The following ABR variants were observed in gnomAD, a reference collection of about 807,000 sequenced individuals.
The protein encoded by ABR is ABR activator of RhoGEF and GTPase.
A neutral mutation model predicts 107.2 loss-of-function variants in ABR; 35 were observed. That is an observed-to-expected ratio of 0.33 (90% CI 0.25 to 0.43). ABR has a LOEUF of 0.43. ABR is among the 20% of genes least tolerant of loss of function. The pLI, the probability that ABR is intolerant of heterozygous loss-of-function variation, is 1.00. For synonymous variants in ABR, 498 were observed against 462.0 expected (o/e 1.08, Z -1.00); for missense variants, 815 against 1,115.2 (o/e 0.73, Z 3.83).
At chr17:1,222,773 G>A (rs993981234) in intron 1 of ABR, among the ~76,000 whole-genome samples, 6 of 152,068 alleles carry the variant, frequency 3.9e-5, no homozygotes, top group African/African-American at 7.2e-5. Context: ...TAGCCGGCTC[G>A]TGGCATGTGC....
At chr17:1,126,882 A>G (rs531825883) in intron 1 of ABR, among the ~76,000 whole-genome samples, 2 of 152,308 alleles carry the variant, frequency 1.3e-5, no homozygotes, top group Admixed American at 1.3e-4. Flanking sequence ...GAGCGAATGA[A>G]TGAGCAGAGG....
At chr17:1,055,202 C>T (rs1454024440) in intron 14 of ABR, 1 of 151,990 alleles carries the variant, frequency 6.6e-6, no homozygotes, top group Admixed American at 6.6e-5. Context: ...GAGAACCTGT[C>T]TCTAAAAAAA....
At chr17:1,036,673 G>T (rs72814007) in intron 16 of ABR, among the ~76,000 whole-genome samples, 8,321 of 152,116 alleles carry the variant, frequency 0.055, 332 homozygotes, top group South Asian at 0.2. Context: ...TTGGGCGGGA[G>T]GATGGCACGT....
chr17:1,014,515 G>T (rs1398419250), intron 16 of ABR, among the ~76,000 whole-genome samples: 2 of 151,590 alleles, frequency 1.3e-5, no homozygotes, highest in Non-Finnish European at 2.9e-5. Context: ...CAATTTCAGG[G>T]CTTATTATAT....
At chr17:1,079,447 C>A in intron 5 of ABR, 57 bp from the exon 6 acceptor site, 1 of 1,493,380 alleles carries the variant, frequency 6.7e-7, no homozygotes, top group East Asian at 2.3e-5. Context: ...CTCCCAGCCC[C>A]CACTGTGAGC....
intron 6 of ABR, among the ~76,000 whole-genome samples, chr17:1,077,781 G>T (rs541826879): frequency 3.3e-4 from 51 of 152,296 alleles, no homozygotes; most frequent in Non-Finnish European, 6.2e-4. Flanking sequence ...GTGCAGAGCC[G>T]AAACACCTGG....
intron 1 of ABR, among the ~76,000 whole-genome samples, chr17:1,227,572 T>G (rs2043245555): frequency 6.6e-6 from 1 of 152,218 alleles, no homozygotes; most frequent in Non-Finnish European, 1.5e-5. Flanking sequence ...TGGACAGTTT[T>G]TCATTCAAAT....
At chr17:1,053,869 C>T (rs1198158182) in intron 14 of ABR, among the ~76,000 whole-genome samples, 1 of 152,078 alleles carries the variant, frequency 6.6e-6, no homozygotes, top group Non-Finnish European at 1.5e-5. Flanking sequence ...ATGGGTGGGA[C>T]AGTGCTTCAG....
chr17:1,194,089 C>G (rs942596688), intron 1 of ABR, among the ~76,000 whole-genome samples: 1 of 152,136 alleles, frequency 6.6e-6, no homozygotes, highest in Non-Finnish European at 1.5e-5. Context: ...TGAAATCTGA[C>G]AAGCTCCTGG....
intron 5 of ABR, chr17:1,083,123 C>CA (rs71148427): frequency 0.011 from 701 of 64,878 alleles, 10 homozygotes; most frequent in South Asian, 0.025. Context: ...GACTCTGTCT[C>CA]AAAAAAAAAA....
Position 1,078,675 on chromosome 17 carries a change from A to AG in ABR, c.700+654dup. The AG allele has an allele frequency of 1.1e-6, 1 of 883,640 alleles. No homozygotes were observed. 54.7% of individuals were successfully genotyped at this position (883,640 alleles called of 1,614,324 possible). On this transcript the variant is annotated intron_variant, in intron 6 of 22. Transcript: ENST00000302538. The surrounding 1 kb of genome is among the most constrained non-coding windows in gnomAD (Gnocchi z 7.5). ...TCTAGGCTGGATGCCGCCAAAACGA[A>AG]GGGGGAATTCAGGTCCAGCCGCTCG... is the stretch of plus-strand genomic sequence containing the variant.
At chr17:1,161,987 C>T (rs2041317034) in intron 1 of ABR, among the ~76,000 whole-genome samples, 1 of 152,208 alleles carries the variant, frequency 6.6e-6, no homozygotes, top group South Asian at 2.1e-4. Flanking sequence ...ATGCATTTCA[C>T]TGCGGAGGCT....
At chr17:1,207,470 C>T (rs550523896) in intron 1 of ABR, among the ~76,000 whole-genome samples, 1 of 151,532 alleles carries the variant, frequency 6.6e-6, no homozygotes, top group Non-Finnish European at 1.5e-5. Flanking sequence ...GCCAACATGG[C>T]GAAACCCCAT....
chr17:1,110,346 T>C (rs557935930), intron 2 of ABR, among the ~76,000 whole-genome samples: 2 of 152,022 alleles, frequency 1.3e-5, no homozygotes, highest in South Asian at 2.1e-4. Context: ...ACGGCACCCA[T>C]GAGGGTGCGG....
At chr17:1,026,337 G>A (rs1199174163) in intron 16 of ABR, among the ~76,000 whole-genome samples, 1 of 152,240 alleles carries the variant, frequency 6.6e-6, no homozygotes, top group Non-Finnish European at 1.5e-5. Flanking sequence ...GGACCCCGGA[G>A]GCCTCCCCGA....
intron 16 of ABR, among the ~76,000 whole-genome samples, chr17:1,018,720 A>G (rs1216842506): frequency 6.6e-6 from 1 of 152,088 alleles, no homozygotes; most frequent in East Asian, 1.9e-4. Flanking sequence ...GGAGGCATCC[A>G]CACCTGACTC....
chr17:1,170,228 C>T (rs1051657571), intron 1 of ABR, among the ~76,000 whole-genome samples: 7 of 152,044 alleles, frequency 4.6e-5, no homozygotes, highest in African/African-American at 9.7e-5. Context: ...GGGGGCAAGA[C>T]GCAGTCTTCA....
chr17:1,139,446 G>A (rs2040207048), intron 1 of ABR, among the ~76,000 whole-genome samples: 1 of 152,012 alleles, frequency 6.6e-6, no homozygotes, highest in African/African-American at 2.4e-5. Context: ...TAGAGACAGG[G>A]TTTCACCGTG....
At chr17:1,114,772 CA>C (rs35379371) in intron 2 of ABR, among the ~76,000 whole-genome samples, 1,696 of 141,324 alleles carry the variant, frequency 0.012, 41 homozygotes, top group East Asian at 0.11. Flanking sequence ...GACTCCGTCT[CA>C]AAAAAAAAAA....
Sources: gnomAD v4.1 joint callset for allele counts (sites outside exome capture counted in the v4.1 genomes callset) on GRCh38, gnomAD v4.1.1 for gene constraint, Gnocchi (gnomAD v3.1) non-coding constraint, MANE v1.5 for transcripts, NCBI Gene and HGNC (gene_info 2026-07-23, HGNC 2026-07-21) for gene names.